The following LRMDA variants were observed in gnomAD, a reference collection of about 807,000 sequenced individuals.
LRMDA encodes leucine rich melanocyte differentiation associated.
Under a neutral mutation model 29.8 loss-of-function variants are expected in LRMDA, and 18 were observed. The observed-to-expected ratio is 0.60, with a 90% CI of 0.42 to 0.90. LRMDA has a LOEUF of 0.90. Among genes scored for constraint, LRMDA ranks in the 40% least tolerant of loss-of-function variants. The pLI, the probability that LRMDA is intolerant of heterozygous loss-of-function variation, is 0.00. For missense variants in LRMDA, 273 were observed against 273.9 expected (o/e 1.00, Z 0.02); for synonymous variants, 125 against 109.4 (o/e 1.14, Z -0.89).
intron 5 of LRMDA, among the ~76,000 whole-genome samples, chr10:76,126,333 A>G (rs1849882365): frequency 6.6e-6 from 1 of 152,200 alleles, no homozygotes; most frequent in Admixed American, 6.5e-5. Context: ...TTTATTCACA[A>G]TTGCAGATAG....
At chr10:76,292,402 C>T (rs1840353100) in intron 5 of LRMDA, among the ~76,000 whole-genome samples, 1 of 152,118 alleles carries the variant, frequency 6.6e-6, no homozygotes, top group Admixed American at 6.5e-5. Context: ...CCTTGGGACC[C>T]TAGTCTGCTT....
intron 2 of LRMDA, among the ~76,000 whole-genome samples, chr10:75,750,398 C>G (rs1039639736): frequency 2.9e-4 from 43 of 147,674 alleles, no homozygotes; most frequent in Middle Eastern, 3.8e-3. Context: ...ACCTCCCAGA[C>G]GGGGTGGCGG....
chr10:76,471,588 A>C (rs908732586), intron 6 of LRMDA, among the ~76,000 whole-genome samples: 4 of 151,614 alleles, frequency 2.6e-5, no homozygotes, highest in African/African-American at 9.7e-5. Context: ...ATAATATCAA[A>C]TATAAATGGA....
At chr10:76,114,364 G>T (rs1228001173) in intron 5 of LRMDA, among the ~76,000 whole-genome samples, 1 of 152,132 alleles carries the variant, frequency 6.6e-6, no homozygotes, top group Admixed American at 6.5e-5. Flanking sequence ...TCAGTAAATG[G>T]AAACAAACAT....
intron 2 of LRMDA, among the ~76,000 whole-genome samples, chr10:75,969,038 A>T (rs1846917721): frequency 3.9e-5 from 6 of 152,192 alleles, no homozygotes; most frequent in Admixed American, 3.9e-4. Context: ...CAGGCCTTTA[A>T]AGACCAATGG....
intron 2 of LRMDA, among the ~76,000 whole-genome samples, chr10:75,581,599 A>G (rs975074485): frequency 2.0e-5 from 3 of 150,838 alleles, no homozygotes; most frequent in African/African-American, 7.5e-5. Context: ...TCATTGTACT[A>G]TGCAGCCATA....
chr10:75,761,183 G>A (rs1048206273), intron 2 of LRMDA, among the ~76,000 whole-genome samples: 1 of 152,030 alleles, frequency 6.6e-6, no homozygotes, highest in South Asian at 2.1e-4. Flanking sequence ...TCCACTTCTG[G>A]GTCTGTAACC....
intron 5 of LRMDA, among the ~76,000 whole-genome samples, chr10:76,233,786 T>C (rs887310691): frequency 6.6e-6 from 1 of 152,236 alleles, no homozygotes; most frequent in Non-Finnish European, 1.5e-5. Context: ...AGCTTTATCA[T>C]GAAGTTGCAG....
intron 2 of LRMDA, among the ~76,000 whole-genome samples, chr10:75,667,035 A>G (rs1162964977): frequency 6.6e-6 from 1 of 152,136 alleles, no homozygotes; most frequent in Non-Finnish European, 1.5e-5. Flanking sequence ...GATATTTGTA[A>G]TGCTTTATTT....
chr10:75,618,838 A>G (rs1246281328), intron 2 of LRMDA, among the ~76,000 whole-genome samples: 2 of 148,266 alleles, frequency 1.3e-5, no homozygotes, highest in East Asian at 3.9e-4. Context: ...GTGCAATGGC[A>G]TGATCTTGGC....
rs183126894 is a variant in LRMDA at position 75,782,501 on chromosome 10, G to A, written c.132-253507G>A. Among the ~76,000 whole-genome samples, 10 of 151,970 alleles carry A rather than the reference G, an allele frequency of 6.6e-5. No homozygotes were observed. The South Asian group carries it at 1.7e-3, about 25-fold the overall frequency. The stretch of plus-strand genomic sequence containing the variant: ...TGTTTTTTATGGGTGATTTTTCACC[G>A]GCTTCTTCCACTTTATATTGAGTCA... On this transcript the variant is annotated intron_variant, in intron 2 of 6. Coordinates refer to ENST00000611255, the MANE Select transcript of LRMDA (RefSeq NM_001305581.2).
chr10:76,522,685 A>G (rs1843132855), intron 6 of LRMDA, among the ~76,000 whole-genome samples: 1 of 152,120 alleles, frequency 6.6e-6, no homozygotes, highest in South Asian at 2.1e-4. Context: ...CGTCACATCC[A>G]CAAGCCGAAT....
At chr10:75,454,811 G>GA (rs1333274957) in intron 2 of LRMDA, among the ~76,000 whole-genome samples, 1 of 152,148 alleles carries the variant, frequency 6.6e-6, no homozygotes, top group Non-Finnish European at 1.5e-5. Context: ...GCTTTGGCAA[G>GA]AAAAAAATCA....
rs1005989386 is a variant in LRMDA at position 76,197,875 on chromosome 10, G to A, written c.517-126526G>A. On this transcript the variant is annotated intron_variant, in intron 5 of 6. Coordinates refer to ENST00000611255, the MANE Select transcript of LRMDA (RefSeq NM_001305581.2). ...GCAGAGGCTGCGGTGAGTCGAGATC[G>A]CGCCACCACACTCCAGCCTGGGCAA... is the stretch of plus-strand genomic sequence containing the variant. Among the ~76,000 whole-genome samples the A allele has an allele frequency of 4.0e-5, 6 of 151,760 alleles. No individual in the cohort carries two copies. The South Asian group carries it at 6.2e-4, about 16-fold the overall frequency.
intron 6 of LRMDA, among the ~76,000 whole-genome samples, chr10:76,469,089 A>G (rs1406552797): frequency 6.6e-6 from 1 of 152,320 alleles, no homozygotes; most frequent in East Asian, 1.9e-4. Flanking sequence ...AAGAGCAACT[A>G]CTAAAACTCA....
At chr10:76,038,824 A>C (rs1284252353) in intron 3 of LRMDA, among the ~76,000 whole-genome samples, 1 of 152,222 alleles carries the variant, frequency 6.6e-6, no homozygotes, top group Non-Finnish European at 1.5e-5. Flanking sequence ...CCCAACATTT[A>C]GTGGCTTAAA....
chr10:75,441,117 A>G (rs777322008), intron 2 of LRMDA, among the ~76,000 whole-genome samples: 53 of 152,278 alleles, frequency 3.5e-4, no homozygotes, highest in South Asian at 2.1e-4. Flanking sequence ...GAGATTCTAA[A>G]CTTACCTTCC....
chr10:75,702,188 T>TGTCTA (rs1842316121), intron 2 of LRMDA, among the ~76,000 whole-genome samples: 2 of 152,244 alleles, frequency 1.3e-5, no homozygotes, highest in Non-Finnish European at 2.9e-5. Flanking sequence ...GCATCTTGAA[T>TGTCTA]GTCTACTCTC....
intron 2 of LRMDA, among the ~76,000 whole-genome samples, chr10:75,671,221 T>G (rs918380645): frequency 6.6e-6 from 1 of 152,154 alleles, no homozygotes; most frequent in Non-Finnish European, 1.5e-5. Context: ...ATTGAGAAAA[T>G]TGTACAAAAC....
Sources: gnomAD v4.1 joint callset for allele counts (sites outside exome capture counted in the v4.1 genomes callset) on GRCh38, gnomAD v4.1.1 for gene constraint, MANE v1.5 for transcripts, NCBI Gene and HGNC (gene_info 2026-07-23, HGNC 2026-07-21) for gene names.